The following RHOU variants were observed in gnomAD, a reference collection of about 807,000 sequenced individuals.
The protein encoded by RHOU is rho-related GTP-binding protein RhoU.
In RHOU, 8 loss-of-function variants were observed where a neutral mutation model predicts 12.6. That is an observed-to-expected ratio of 0.64 (90% confidence interval 0.37 to 1.15). The LOEUF is 1.15. Ranked by LOEUF, RHOU falls within the 50% of genes most tolerant of loss-of-function variation. The pLI, the probability that RHOU is intolerant of heterozygous loss-of-function variation, is 0.01. For missense variants in RHOU, 258 were observed against 347.0 expected (o/e 0.74, Z 2.04); for synonymous variants, 161 against 147.4 (o/e 1.09, Z -0.67).
chr1:228,647,148 TG>T, the RHOU span, among the ~76,000 whole-genome samples: 1,191 of 152,266 alleles, frequency 7.8e-3, 17 homozygotes, highest in African/African-American at 0.027. Flanking sequence ...GTTTGAGCTG[TG>T]CCTGAGCAGG....
the RHOU span, among the ~76,000 whole-genome samples, chr1:228,693,595 T>C: frequency 6.6e-6 from 1 of 152,114 alleles, no homozygotes; most frequent in Admixed American, 6.5e-5. Context: ...GTCTCCCGAG[T>C]AGCTGGGACT....
the RHOU span, among the ~76,000 whole-genome samples, chr1:228,728,191 A>G: frequency 3.9e-5 from 6 of 152,222 alleles, no homozygotes; most frequent in African/African-American, 1.4e-4. Context: ...AATGCAGGAA[A>G]GGTGCCACCA....
At chr1:228,728,854 C>CTCTGA in the RHOU span, among the ~76,000 whole-genome samples, 3 of 152,030 alleles carry the variant, frequency 2.0e-5, no homozygotes, top group African/African-American at 7.2e-5. Context: ...CCCCCAATTA[C>CTCTGA]TCTGACATCT....
At chr1:228,648,299 G>T in the RHOU span, among the ~76,000 whole-genome samples, 2 of 152,234 alleles carry the variant, frequency 1.3e-5, no homozygotes, top group South Asian at 4.1e-4. Context: ...TTCCTCGCGG[G>T]AGTGCCAGAG....
In RHOU at chr1:228,744,850, G is replaced by C. The variant is rs1400712471; in HGVS notation, c.*1110G>C. 6.6e-6 allele frequency: 1 copy of C among 152,202 alleles called. No individual in the cohort carries two copies. Among genetic ancestry groups the C allele is most frequent in the Admixed American group, 6.5e-5 (1 of 15,286 alleles). The allele number at this position is 152,202 out of a possible 1,614,324, so 9.4% of individuals were successfully genotyped here. ...GGGGAAAAGCGTGGCCACAAAAACA[G>C]ATGCTAGGAAGCTTGGCTTCCTCTT... On this transcript the variant is annotated 3_prime_UTR_variant, in exon 3 of 3. Coordinates refer to ENST00000366691, the MANE Select transcript of RHOU (RefSeq NM_021205.6).
the RHOU span, among the ~76,000 whole-genome samples, chr1:228,647,303 T>G: frequency 6.6e-6 from 1 of 152,206 alleles, no homozygotes; most frequent in Non-Finnish European, 1.5e-5. Context: ...ACTGTGCTCT[T>G]GGTGCGGTGC....
At chr1:228,652,520 T>A in the RHOU span, 1 of 152,218 alleles carries the variant, frequency 6.6e-6, no homozygotes, top group Non-Finnish European at 1.5e-5. Flanking sequence ...TATATACACC[T>A]CAGTCCAAGC....
At chr1:228,662,861 G>A in the RHOU span, among the ~76,000 whole-genome samples, 1 of 151,988 alleles carries the variant, frequency 6.6e-6, no homozygotes, top group Non-Finnish European at 1.5e-5. Flanking sequence ...TGCATCAAGG[G>A]GAATGGCAGA....
At chr1:228,707,545 C>T in the RHOU span, among the ~76,000 whole-genome samples, 1 of 151,820 alleles carries the variant, frequency 6.6e-6, no homozygotes, top group East Asian at 1.9e-4. Context: ...CCAGCAGGGG[C>T]AGACTGACAC....
At chr1:228,661,373 A>G in the RHOU span, among the ~76,000 whole-genome samples, 10 of 152,304 alleles carry the variant, frequency 6.6e-5, no homozygotes, top group South Asian at 1.0e-3. Flanking sequence ...CATTGCCAAG[A>G]CAATCTTAAG....
chr1:228,647,116 C>T, the RHOU span, among the ~76,000 whole-genome samples: 880 of 152,266 alleles, frequency 5.8e-3, 5 homozygotes, highest in Middle Eastern at 0.02. Context: ...CCCTTTTGAG[C>T]AGTCCGGAAT....
the RHOU span, among the ~76,000 whole-genome samples, chr1:228,682,603 G>A: frequency 6.6e-6 from 1 of 152,064 alleles, no homozygotes; most frequent in Admixed American, 6.6e-5. Context: ...TCAAGGGTGG[G>A]GGAGATTGCA....
At chr1:228,701,821 C>A in the RHOU span, among the ~76,000 whole-genome samples, 2 of 151,308 alleles carry the variant, frequency 1.3e-5, no homozygotes, top group African/African-American at 4.8e-5. Context: ...TTTTTTTAAT[C>A]AAAGCATGTC....
chr1:228,687,487 T>G, the RHOU span: 1 of 1,580,326 alleles, frequency 6.3e-7, no homozygotes, highest in Admixed American at 1.7e-5. Context: ...GAGAAACTGA[T>G]GAAGCTGCAG....
the RHOU span, among the ~76,000 whole-genome samples, chr1:228,684,283 C>T: frequency 2.6e-5 from 4 of 151,828 alleles, no homozygotes; most frequent in Non-Finnish European, 5.9e-5. Context: ...GTGATCCTCC[C>T]GCCTCAGCCT....
At chr1:228,668,763 G>A in the RHOU span, among the ~76,000 whole-genome samples, 1 of 152,156 alleles carries the variant, frequency 6.6e-6, no homozygotes, top group African/African-American at 2.4e-5. Context: ...AGGCCTCTAG[G>A]TTGCTCATTT....
the RHOU span, among the ~76,000 whole-genome samples, chr1:228,695,836 A>G: frequency 6.6e-6 from 1 of 152,258 alleles, no homozygotes; most frequent in East Asian, 1.9e-4. Context: ...GCCAATGATG[A>G]CCAACTCAAC....
the RHOU span, chr1:228,687,819 G>T: frequency 7.9e-7 from 1 of 1,262,082 alleles, no homozygotes; most frequent in Admixed American, 1.7e-5. Context: ...CAGTGATAAT[G>T]AAAGCTAAGC....
At chr1:228,739,419 C>T (rs939254184) in intron 2 of RHOU, among the ~76,000 whole-genome samples, 2 of 152,104 alleles carry the variant, frequency 1.3e-5, no homozygotes, top group Non-Finnish European at 1.5e-5. Flanking sequence ...CAAAAATTAG[C>T]TGGGTGTGGT....
Sources: gnomAD v4.1 joint callset for allele counts (sites outside exome capture counted in the v4.1 genomes callset) on GRCh38, gnomAD v4.1.1 for gene constraint, MANE v1.5 for transcripts, NCBI Gene and HGNC (gene_info 2026-07-23, HGNC 2026-07-21) for gene names.